The following PIK3C2G variants were observed in gnomAD, a reference collection of about 807,000 sequenced individuals.
PIK3C2G encodes phosphatidylinositol-4-phosphate 3-kinase catalytic subunit type 2 gamma.
Under a neutral mutation model 181.1 loss-of-function variants are expected in PIK3C2G, and 168 were observed. That is an observed-to-expected ratio of 0.93 (90% confidence interval 0.82 to 1.05). The LOEUF (loss-of-function observed/expected upper bound fraction) is 1.05, where lower values mean the gene tolerates loss of function less well. PIK3C2G is among the 50% of genes least tolerant of loss of function. The pLI is 0.00. For synonymous variants in PIK3C2G, 573 were observed against 592.2 expected, an observed-to-expected ratio of 0.97 and a Z score of 0.47; for missense variants, 1,869 against 1,732.8, an observed-to-expected ratio of 1.08 and a Z score of -1.40.
chr12:18,473,983 G>A (rs1019823096), intron 18 of PIK3C2G, among the ~76,000 whole-genome samples: 1 of 152,030 alleles, frequency 6.6e-6, no homozygotes, highest in Non-Finnish European at 1.5e-5. Context: ...GTCATATTTG[G>A]CAAAACATTT....
chr12:18,670,898 T>G, the PIK3C2G span, among the ~76,000 whole-genome samples: 1 of 152,058 alleles, frequency 6.6e-6, no homozygotes, highest in Admixed American at 6.6e-5. Flanking sequence ...CAAACACAGT[T>G]TCGGCCGGGC....
intron 18 of PIK3C2G, among the ~76,000 whole-genome samples, chr12:18,454,316 T>A (rs1342693818): frequency 1.3e-5 from 2 of 152,152 alleles, no homozygotes; most frequent in Non-Finnish European, 2.9e-5. Flanking sequence ...GAGGAGGCAG[T>A]GCAATTTTAG....
chr12:18,638,415 T>G (rs1258154601), intron 31 of PIK3C2G, among the ~76,000 whole-genome samples: 1 of 152,146 alleles, frequency 6.6e-6, no homozygotes, highest in African/African-American at 2.4e-5. Flanking sequence ...GTTCCAAACT[T>G]GATCAGCGAC....
chr12:18,289,561 G>A (rs1349423630), intron 3 of PIK3C2G, among the ~76,000 whole-genome samples: 1 of 152,118 alleles, frequency 6.6e-6, no homozygotes, highest in Non-Finnish European at 1.5e-5. Flanking sequence ...CTGAGCAGTG[G>A]CTCTCAAACT....
At chr12:18,719,498 A>C in the PIK3C2G span, 6 of 1,588,574 alleles carry the variant, frequency 3.8e-6, no homozygotes, top group Admixed American at 5.1e-5. Flanking sequence ...TTATGTGAAG[A>C]TGAAATAAAA....
At chr12:18,530,822 C>T (rs985110346) in intron 24 of PIK3C2G, among the ~76,000 whole-genome samples, 19 of 152,116 alleles carry the variant, frequency 1.2e-4, no homozygotes, top group Admixed American at 5.2e-4. Flanking sequence ...TCACCTTATG[C>T]CATGATTGTA....
At chr12:18,378,392 T>G (rs1346507981) in intron 13 of PIK3C2G, among the ~76,000 whole-genome samples, 2 of 152,164 alleles carry the variant, frequency 1.3e-5, no homozygotes, top group Non-Finnish European at 2.9e-5. Context: ...AAATAGTCCT[T>G]TTAGAAATAT....
chr12:18,398,824 G>C (rs769285385), intron 15 of PIK3C2G, among the ~76,000 whole-genome samples: 1 of 152,180 alleles, frequency 6.6e-6, no homozygotes, highest in African/African-American at 2.4e-5. Context: ...TGAGATCTTT[G>C]TTTTTGAAGT....
the PIK3C2G span, among the ~76,000 whole-genome samples, chr12:18,654,294 TA>T: frequency 0.56 from 79,512 of 142,452 alleles, 22,139 homozygotes; most frequent in East Asian, 0.7. Context: ...CACTAGTACC[TA>T]AAAAAAAAAA....
At chr12:18,584,880 G>A (rs1233008327) in intron 29 of PIK3C2G, among the ~76,000 whole-genome samples, 1 of 152,092 alleles carries the variant, frequency 6.6e-6, no homozygotes, top group Non-Finnish European at 1.5e-5. Context: ...GAGGCTGGGG[G>A]CCTGTATTCA....
chr12:18,415,538 A>G (rs1384007700), intron 16 of PIK3C2G, among the ~76,000 whole-genome samples: 1 of 152,202 alleles, frequency 6.6e-6, no homozygotes, highest in Non-Finnish European at 1.5e-5. Context: ...TAATAACCCT[A>G]CAATGGCCTC....
At chr12:18,373,851 TA>T (rs750744139) in intron 13 of PIK3C2G, among the ~76,000 whole-genome samples, 1,836 of 141,736 alleles carry the variant, frequency 0.013, 10 homozygotes, top group African/African-American at 0.026. Context: ...AGACTCCGTC[TA>T]AAAAAAAAAA....
At chr12:18,511,316 G>T (rs897385146) in intron 24 of PIK3C2G, among the ~76,000 whole-genome samples, 2 of 152,056 alleles carry the variant, frequency 1.3e-5, no homozygotes, top group Non-Finnish European at 2.9e-5. Flanking sequence ...GCAACATATT[G>T]ATTTCCATTC....
chr12:18,603,546 GTTC>G (rs141495477), intron 30 of PIK3C2G, among the ~76,000 whole-genome samples: 5,422 of 152,160 alleles, frequency 0.036, 101 homozygotes, highest in Middle Eastern at 0.075. Context: ...CTGGCAAAAA[GTTC>G]TTCTCCTGAG....
intron 9 of PIK3C2G, among the ~76,000 whole-genome samples, chr12:18,342,149 T>C (rs540378100): frequency 6.6e-6 from 1 of 152,244 alleles, no homozygotes; most frequent in East Asian, 1.9e-4. Context: ...TCTAAATAAA[T>C]TGAATTTTAG....
intron 18 of PIK3C2G, among the ~76,000 whole-genome samples, chr12:18,426,197 T>C (rs1292615224): frequency 1.3e-5 from 2 of 152,208 alleles, no homozygotes; most frequent in Non-Finnish European, 2.9e-5. Context: ...TTCTTTGCGA[T>C]GTCTCATGTG....
chr12:18,599,372 A>C (rs1024165912), intron 30 of PIK3C2G, among the ~76,000 whole-genome samples: 1 of 152,102 alleles, frequency 6.6e-6, no homozygotes, highest in African/African-American at 2.4e-5. Context: ...ATTGGAAATC[A>C]TCATTCTCAG....
chr12:18,478,974 CAA>C (rs1204943458), intron 18 of PIK3C2G, among the ~76,000 whole-genome samples: 3 of 117,590 alleles, frequency 2.6e-5, no homozygotes, highest in African/African-American at 9.6e-5. Flanking sequence ...GATCCTGTCT[CAA>C]AAAAAAAAAA....
At chr12:18,329,385 C>G (rs1741338357) in intron 8 of PIK3C2G, among the ~76,000 whole-genome samples, 1 of 151,886 alleles carries the variant, frequency 6.6e-6, no homozygotes, top group South Asian at 2.1e-4. Flanking sequence ...CACTTCATGT[C>G]TCCTCTCCTC....
Sources: allele counts gnomAD v4.1 joint callset (sites outside exome capture counted in the v4.1 genomes callset), GRCh38; gene constraint gnomAD v4.1.1; transcripts MANE v1.5; gene names NCBI Gene and HGNC (gene_info 2026-07-23, HGNC 2026-07-21).